NRDC: variants seen among roughly 807,000 people sequenced by gnomAD.
The protein encoded by NRDC is nardilysin.
NRDC carries 54 observed loss-of-function variants against 147.1 expected under a neutral mutation model. That is an observed-to-expected ratio of 0.37 (90% CI 0.29 to 0.46). The LOEUF is 0.46. NRDC is among the 20% of genes least tolerant of loss of function. NRDC has a pLI of 1.00. For missense variants in NRDC, 1,082 were observed against 1,370.6 expected, an observed-to-expected ratio of 0.79 and a Z score of 3.33; for synonymous variants, 440 against 482.1, an observed-to-expected ratio of 0.91 and a Z score of 1.14.
At chr1:51,800,324 T>G (rs1179891602) in intron 21 of NRDC, among the ~76,000 whole-genome samples, 2 of 152,192 alleles carry the variant, frequency 1.3e-5, no homozygotes, top group African/African-American at 4.8e-5. Flanking sequence ...GAAAACACCC[T>G]TCCTTACTTT....
intron 1 of NRDC, among the ~76,000 whole-genome samples, chr1:51,845,770 C>G (rs1463956309): frequency 6.6e-6 from 1 of 152,146 alleles, no homozygotes; most frequent in Admixed American, 6.5e-5. Flanking sequence ...AATGTTATCT[C>G]TGAGGACAGA....
At chr1:51,869,862 TATTC>T (rs1187137960) in intron 1 of NRDC, among the ~76,000 whole-genome samples, 2 of 152,240 alleles carry the variant, frequency 1.3e-5, no homozygotes, top group East Asian at 3.8e-4. Context: ...AACCTGTCCA[TATTC>T]ATTTTCTCTG....
intron 1 of NRDC, among the ~76,000 whole-genome samples, chr1:51,842,292 T>A (rs1001309512): frequency 4.0e-5 from 6 of 151,858 alleles, no homozygotes; most frequent in Non-Finnish European, 5.9e-5. Context: ...GAAAGGACAC[T>A]GTTAGCAGAT....
chr1:51,864,980 T>G (rs1682734112), intron 1 of NRDC, among the ~76,000 whole-genome samples: 1 of 151,112 alleles, frequency 6.6e-6, no homozygotes. Flanking sequence ...GATTTCTTAA[T>G]GTAAAAAACT....
chr1:51,840,586 G>T, intron 1 of NRDC, 72 bp from the exon 2 acceptor site: 1 of 1,021,098 alleles, frequency 9.8e-7, no homozygotes, highest in Non-Finnish European at 1.4e-6. Context: ...AATCAGCTTA[G>T]CAGAATTTTA....
chr1:51,866,762 C>CA (rs1452703536), intron 1 of NRDC, among the ~76,000 whole-genome samples: 2 of 149,740 alleles, frequency 1.3e-5, no homozygotes, highest in African/African-American at 4.9e-5. Context: ...TTAAAACATG[C>CA]AAAAACAATG....
At chr1:51,841,765 A>C (rs1171559261) in intron 1 of NRDC, among the ~76,000 whole-genome samples, 1 of 152,256 alleles carries the variant, frequency 6.6e-6, no homozygotes, top group Non-Finnish European at 1.5e-5. Flanking sequence ...AGTATAATAC[A>C]GAATGACAGA....
rs374107854 is a variant in NRDC, at chr1:51,814,712, C to A, written c.1541G>T (p.Gly514Val). 6.2e-7 allele frequency: 1 copy of A among 1,610,156 alleles called. No homozygotes were observed. Among genetic ancestry groups the A allele is most frequent in the Non-Finnish European group, 8.5e-7 (1 of 1,178,638 alleles). ...FSISITLTDE[G>V]YEHFYEVAYT... The stretch of plus-strand genomic sequence containing the variant: ...ATTTACCTCATAAAAATGTTCATAA[C>A]CCTCATCAGTCAATGTAATAGAAAT... The change falls in exon 12 of 31, where the codon GGT becomes GTT. Residue 514 changes from glycine (G) to valine (V), a missense_variant. By Grantham distance (109) the Gly-to-Val change is moderately radical (BLOSUM62 -3). This residue lies in a region of NRDC where 635 missense variants were observed against 923.8 expected (regional missense o/e 0.69). Transcript: ENST00000352171.
chr1:51,789,687 A>G (rs1349092188), intron 29 of NRDC, 30 bp from the exon 30 acceptor site: 2 of 1,500,152 alleles, frequency 1.3e-6, no homozygotes, highest in African/African-American at 1.4e-5. Flanking sequence ...TAGGAAAGAA[A>G]TTCAAGAAGA....
intron 1 of NRDC, among the ~76,000 whole-genome samples, chr1:51,877,196 A>G (rs1683373276): frequency 6.6e-6 from 1 of 152,130 alleles, no homozygotes; most frequent in South Asian, 2.1e-4. Flanking sequence ...CAAAAAAAAA[A>G]AGGAAATCAG....
intron 16 of NRDC, among the ~76,000 whole-genome samples, chr1:51,809,764 TG>T (rs1256729322): frequency 2.6e-5 from 4 of 152,060 alleles, no homozygotes; most frequent in Non-Finnish European, 5.9e-5. Flanking sequence ...TAGCCGGGCA[TG>T]GTGGCATATG....
rs1571839160 is a variant in NRDC at position 51,795,938 on chromosome 1, T to TGGAG, written c.2605-1085_2605-1084insCTCC. 5.9e-5 allele frequency among the ~76,000 whole-genome samples: 9 copies of TGGAG among 151,736 alleles called. No homozygotes were observed. The East Asian group carries it at 1.5e-3, about 26-fold the overall frequency. ...CTTTATTGCCCAGGCTGGAGGGCAG[T>TGGAG]GGCATGACCTCAGCTCACTGCAGCC... On this transcript the variant is annotated intron_variant, in intron 22 of 30. Coordinates refer to ENST00000352171, the MANE Select transcript of NRDC (RefSeq NM_001101662.2).
intron 2 of NRDC, 126 bp from the exon 3 acceptor site, chr1:51,836,338 G>A (rs747738262): frequency 3.1e-6 from 5 of 1,604,712 alleles, no homozygotes; most frequent in Non-Finnish European, 2.6e-6. Flanking sequence ...CTTTCCCTGA[G>A]AATCAGGAGG....
rs937751948 is a variant in NRDC at position 51,798,288 on chromosome 1, G to C, written c.2565C>G (p.Leu855=). The C allele has an allele frequency of 6.8e-6, 11 of 1,614,034 alleles. No individual in the cohort carries two copies. In the African/African-American group the frequency reaches 8.0e-5, roughly 12 times the overall value. Residue 855 remains leucine, a synonymous_variant, in exon 22 of 31, where the codon CTC becomes CTG. Transcript: ENST00000352171. ...TCCCTTGTACCAGGCCCTCCACAAAGAGCTGGGATTTGAATTCTTTGACGA... is the reference window on the plus strand; with the variant it reads ...TCCCTTGTACCAGGCCCTCCACAAACAGCTGGGATTTGAATTCTTTGACGA... The part of the protein sequence containing the change: ...LSFVKEFKSQ[L]FVEGLVQGNV...
intron 1 of NRDC, among the ~76,000 whole-genome samples, chr1:51,855,296 T>C (rs1240194907): frequency 6.6e-6 from 1 of 152,124 alleles, no homozygotes; most frequent in African/African-American, 2.4e-5. Context: ...ATCCTGAAAA[T>C]AAATGCCTTC....
chr1:51,849,766 A>G (rs190708619), intron 1 of NRDC, among the ~76,000 whole-genome samples: 8 of 152,186 alleles, frequency 5.3e-5, no homozygotes, highest in Non-Finnish European at 1.2e-4. Flanking sequence ...CAGTGAGCCG[A>G]GATCGCGCCA....
intron 1 of NRDC, among the ~76,000 whole-genome samples, chr1:51,841,235 C>G (rs748296435): frequency 5.9e-5 from 9 of 152,096 alleles, no homozygotes; most frequent in Admixed American, 6.6e-5. Flanking sequence ...GCTCCTGATT[C>G]TTATCTGCAA....
intron 1 of NRDC, among the ~76,000 whole-genome samples, chr1:51,851,422 T>G (rs1009814016): frequency 3.9e-5 from 6 of 151,944 alleles, no homozygotes; most frequent in African/African-American, 1.5e-4. Context: ...ACCTAGGTTT[T>G]GCGACAAACC....
intron 18 of NRDC, 33 bp from the exon 19 acceptor site, chr1:51,805,594 TA>T: frequency 3.6e-6 from 5 of 1,392,758 alleles, no homozygotes; most frequent in Non-Finnish European, 4.9e-6. Context: ...TAAAAAAGGT[TA>T]GGGGCCTCAG....
Sources: gnomAD v4.1 joint callset for allele counts (sites outside exome capture counted in the v4.1 genomes callset) on GRCh38, gnomAD v4.1.1 for gene constraint, gnomAD v4.1.1 regional missense constraint, MANE v1.5 for transcripts, NCBI Gene and HGNC (gene_info 2026-07-23, HGNC 2026-07-21) for gene names.